Variants in MTA3 observed in about 807,000 individuals in gnomAD.
The protein encoded by MTA3 is metastasis associated 1 family member 3, also known as metastasis-associated protein MTA3.
In MTA3, 34 loss-of-function variants were observed where a neutral mutation model predicts 83.5. That is an observed-to-expected ratio of 0.41 (90% CI 0.31 to 0.54). The LOEUF (loss-of-function observed/expected upper bound fraction) is 0.54. Among genes scored for constraint, MTA3 ranks in the 20% least tolerant of loss-of-function variants. MTA3 has a pLI of 0.33. For synonymous variants in MTA3, 303 were observed against 252.7 expected (o/e 1.20, Z -1.89); for missense variants, 761 against 726.4 (o/e 1.05, Z -0.55).
chr2:42,603,608 C>T (rs1682847907), intron 3 of MTA3, among the ~76,000 whole-genome samples: 1 of 152,124 alleles, frequency 6.6e-6, no homozygotes, highest in South Asian at 2.1e-4. Context: ...TGGTAAATTT[C>T]TTAAAGTCAG....
intron 3 of MTA3, among the ~76,000 whole-genome samples, chr2:42,593,193 A>G (rs937692303): frequency 6.6e-6 from 1 of 150,654 alleles, no homozygotes; most frequent in Admixed American, 6.6e-5. Context: ...ACAATAAAAC[A>G]TATAGTATAT....
intron 2 of MTA3, among the ~76,000 whole-genome samples, chr2:42,524,472 GTTT>G (rs58288129): frequency 2.8e-5 from 2 of 70,666 alleles, no homozygotes; most frequent in African/African-American, 1.1e-4. Context: ...GGCTAGTTGT[GTTT>G]TTTTTTTTTT....
At chr2:42,750,587 C>T (rs191194715) in intron 16 of MTA3, among the ~76,000 whole-genome samples, 2 of 152,262 alleles carry the variant, frequency 1.3e-5, no homozygotes, top group Admixed American at 1.3e-4. Context: ...TTCTCATGGG[C>T]TTGTCAGATT....
At chr2:42,712,497 T>C (rs1054448705) in intron 14 of MTA3, among the ~76,000 whole-genome samples, 3 of 152,244 alleles carry the variant, frequency 2.0e-5, no homozygotes, top group Middle Eastern at 3.4e-3. Flanking sequence ...ATGAAAAATT[T>C]ATTTTTTAAA....
chr2:42,557,820 C>T (rs796635282), intron 2 of MTA3, among the ~76,000 whole-genome samples: 1 of 152,124 alleles, frequency 6.6e-6, no homozygotes, highest in African/African-American at 2.4e-5. Context: ...ATAAAAGGAA[C>T]TGATAAAAAG....
Position 42,533,520 on chromosome 2 carries a change from C to CTTT in MTA3, c.-140-36904_-140-36902dup, listed in dbSNP as rs763768263. On this transcript the variant is annotated intron_variant, in intron 2 of 17. Coordinates refer to the MTA3 transcript ENST00000405592. ...TTCCTTTCTTTCTTTCTTTTCTTTT[C>CTTT]TTTTTTTTTTTTTTTAGGAAAATAA... is the stretch of plus-strand genomic sequence containing the variant. 132 of 128,576 alleles carry CTTT rather than the reference C, an allele frequency of 1.0e-3. 5 individuals are homozygous for CTTT. Among genetic ancestry groups the CTTT allele is most frequent in the South Asian group, 5.8e-3 (23 of 3,970 alleles). The allele number at this position is 128,576 out of a possible 1,614,324, so 8.0% of individuals were successfully genotyped here. A position where few individuals can be genotyped will look rare whatever the true frequency, so the allele number is the denominator to read the frequency against.
upstream of MTA3, among the ~76,000 whole-genome samples, chr2:42,565,595 G>A (rs1459046067): frequency 6.6e-6 from 1 of 152,130 alleles, no homozygotes; most frequent in East Asian, 1.9e-4. Context: ...ATTTGCCCTG[G>A]GATTTCTGGC....
rs114313085 is a variant in MTA3 at position 42,636,975 on chromosome 2, A to G, written c.318-3198A>G. ...TACTAGCTTTAGATAAAAGAAATAT[A>G]TAACCTGTATGCACATTTTTACGTT... On this transcript the variant is annotated intron_variant, in intron 4 of 16. Transcript: ENST00000405094. Among the ~76,000 whole-genome samples, 587 of 152,292 alleles carry G rather than the reference A, an allele frequency of 3.9e-3. 8 individuals carry two copies. Among genetic ancestry groups the G allele is most frequent in the African/African-American group, 0.013 (533 of 41,562 alleles).
At position 42,715,259 on chromosome 2, in the gene MTA3, C is replaced by T. The variant is rs188561821; in HGVS notation, c.1526-3729C>T. Among the ~76,000 whole-genome samples the T allele has an allele frequency of 5.3e-3, 812 of 152,228 alleles. 1 individual carries two copies. Among genetic ancestry groups the T allele is most frequent in the Non-Finnish European group, 8.7e-3 (594 of 68,018 alleles). On this transcript the variant is annotated intron_variant, in intron 14 of 16. Transcript: ENST00000405094. Reference sequence around the variant, plus strand: ...CAACTCAAGTGTGGGCCAGACAATCCCACCTATGGCTATTTCCTCAGGGCC... The same window carrying T: ...CAACTCAAGTGTGGGCCAGACAATCTCACCTATGGCTATTTCCTCAGGGCC...
chr2:42,746,697 C>T (rs1257363589), intron 16 of MTA3, among the ~76,000 whole-genome samples: 2 of 152,178 alleles, frequency 1.3e-5, no homozygotes, highest in Non-Finnish European at 2.9e-5. Context: ...ATAGGAGAAA[C>T]ATGTTTACCT....
At chr2:42,609,620 A>T in intron 4 of MTA3, 36 bp downstream of exon 4, 1 of 1,559,774 alleles carries the variant, frequency 6.4e-7, no homozygotes, top group East Asian at 2.3e-5. Context: ...ACTCAGTACT[A>T]CGGTGACCAA....
chr2:42,640,962 A>G (rs1262240500), intron 5 of MTA3, among the ~76,000 whole-genome samples: 4 of 152,138 alleles, frequency 2.6e-5, no homozygotes, highest in African/African-American at 9.7e-5. Context: ...TCTGGAACGC[A>G]GTGACGTGAT....
At chr2:42,498,535 A>G (rs1253808517) in intron 2 of MTA3, among the ~76,000 whole-genome samples, 1 of 152,220 alleles carries the variant, frequency 6.6e-6, no homozygotes, top group East Asian at 1.9e-4. Flanking sequence ...AAAGCTATAC[A>G]TACTTACGGG....
intron 3 of MTA3, among the ~76,000 whole-genome samples, chr2:42,584,835 G>A (rs561610290): frequency 6.6e-6 from 1 of 151,998 alleles, no homozygotes; most frequent in East Asian, 1.9e-4. Context: ...CCACACCCTG[G>A]GTGTGTTTGC....
chr2:42,721,403 C>G (rs1202964410), intron 15 of MTA3, among the ~76,000 whole-genome samples: 1 of 151,410 alleles, frequency 6.6e-6, no homozygotes, highest in Non-Finnish European at 1.5e-5. Flanking sequence ...TCTTGGCTCA[C>G]TGCAACCTCC....
chr2:42,747,428 C>T (rs34806549), intron 16 of MTA3, among the ~76,000 whole-genome samples: 44,383 of 151,690 alleles, frequency 0.29, 6,966 homozygotes, highest in East Asian at 0.61. Context: ...CAGAAAGGCA[C>T]CGGGGTGGGG....
intron 4 of MTA3, 31 bp downstream of exon 4, chr2:42,609,615 G>GT (rs1378220636): frequency 6.4e-6 from 10 of 1,570,240 alleles, no homozygotes; most frequent in African/African-American, 1.4e-5. Context: ...AAGGTACTCA[G>GT]TACTACGGTG....
At chr2:42,649,061 T>G (rs982510818) in intron 6 of MTA3, among the ~76,000 whole-genome samples, 3 of 152,142 alleles carry the variant, frequency 2.0e-5, no homozygotes, top group African/African-American at 7.2e-5. Context: ...CGCCCAGCTG[T>G]TACAGTCTTC....
intron 3 of MTA3, among the ~76,000 whole-genome samples, chr2:42,590,833 C>T (rs1428074788): frequency 6.6e-6 from 1 of 152,066 alleles, no homozygotes; most frequent in Non-Finnish European, 1.5e-5. Context: ...ATTGGCCCGA[C>T]TGCTCTCGAA....
Sources: allele counts gnomAD v4.1 joint callset (sites outside exome capture counted in the v4.1 genomes callset), GRCh38; gene constraint gnomAD v4.1.1; transcripts MANE v1.5; gene names NCBI Gene and HGNC (gene_info 2026-07-23, HGNC 2026-07-21).